The following PDE4D variants were observed in gnomAD, a reference collection of about 807,000 sequenced individuals.
PDE4D encodes the protein phosphodiesterase 4D.
PDE4D carries 24 observed loss-of-function variants against 87.4 expected under a neutral mutation model. The observed-to-expected ratio is 0.27, with a 90% confidence interval of 0.20 to 0.39. The LOEUF (loss-of-function observed/expected upper bound fraction) is 0.39. Among genes scored for constraint, PDE4D ranks in the 10% least tolerant of loss-of-function variants. The probability of loss-of-function intolerance (pLI) is 1.00; values close to 1 mark genes in which losing one functional copy is unlikely to be tolerated. For missense variants in PDE4D, 714 were observed against 1,041.0 expected, an observed-to-expected ratio of 0.69 and a Z score of 4.32; for synonymous variants, 384 against 383.2, an observed-to-expected ratio of 1.00 and a Z score of -0.02.
intron 1 of PDE4D, among the ~76,000 whole-genome samples, chr5:60,303,461 A>G (rs944501152): frequency 4.6e-5 from 7 of 151,870 alleles, no homozygotes; most frequent in African/African-American, 1.7e-4. Flanking sequence ...GGCGCGCGCC[A>G]CCACGCCCAG....
At chr5:59,491,215 A>G (rs981807317) in intron 1 of PDE4D, among the ~76,000 whole-genome samples, 3 of 152,250 alleles carry the variant, frequency 2.0e-5, no homozygotes, top group Admixed American at 6.5e-5. Flanking sequence ...CTTTTTAAAA[A>G]GAATAAAATG....
chr5:59,600,569 C>A (rs562911304), intron 1 of PDE4D, among the ~76,000 whole-genome samples: 1 of 152,244 alleles, frequency 6.6e-6, no homozygotes, highest in South Asian at 2.1e-4. Flanking sequence ...AGACTTGCAA[C>A]CAAAGGCATC....
chr5:60,039,320 T>G (rs1244973722), intron 2 of PDE4D, among the ~76,000 whole-genome samples: 1 of 151,314 alleles, frequency 6.6e-6, no homozygotes, highest in African/African-American at 2.4e-5. Flanking sequence ...TCATTCTCAG[T>G]AAACTATCAC....
In PDE4D at chr5:60,404,065, A is replaced by G. The variant is rs541093561; in HGVS notation, c.-90+83877T>C. ...TTCTCCTCAGAAAGGAAGATCTAGG[A>G]AAAAGGAAGTTCTAGAAAAAAGATC... On this transcript the variant is annotated intron_variant, in intron 1 of 16. Transcript: ENST00000502484. Among the ~76,000 whole-genome samples the G allele has an allele frequency of 2.0e-4, 30 of 152,250 alleles. No individual in the cohort carries two copies. In the East Asian group the frequency reaches 5.2e-3, roughly 26 times the overall value.
chr5:59,101,430 A>C (rs1398217299), intron 5 of PDE4D, among the ~76,000 whole-genome samples: 1 of 152,154 alleles, frequency 6.6e-6, no homozygotes, highest in African/African-American at 2.4e-5. Context: ...TTCTCCAAAG[A>C]AAAAGATGAC....
chr5:60,455,506 T>C (rs1458564852), intron 1 of PDE4D, among the ~76,000 whole-genome samples: 1 of 152,068 alleles, frequency 6.6e-6, no homozygotes, highest in African/African-American at 2.4e-5. Flanking sequence ...CCATGTAAAA[T>C]TGCCTAGACT....
At chr5:60,409,015 G>A (rs1741815017) in intron 1 of PDE4D, among the ~76,000 whole-genome samples, 1 of 152,122 alleles carries the variant, frequency 6.6e-6, no homozygotes, top group Non-Finnish European at 1.5e-5. Context: ...GCCCAGTGGG[G>A]AATAAAGCGG....
At chr5:60,386,574 CCAG>C (rs1762208338) in intron 1 of PDE4D, among the ~76,000 whole-genome samples, 3 of 152,144 alleles carry the variant, frequency 2.0e-5, no homozygotes, top group African/African-American at 7.2e-5. Flanking sequence ...GGGGGTTCTG[CCAG>C]CTCCAGCACT....
At chr5:59,146,388 G>A (rs577099464) in intron 5 of PDE4D, among the ~76,000 whole-genome samples, 13 of 152,196 alleles carry the variant, frequency 8.5e-5, no homozygotes, top group East Asian at 3.9e-4. Context: ...TCTAGGGCAC[G>A]TTTTGAATTT....
At chr5:59,189,253 G>GTTTTTTTTTTTTT (rs5868167) in intron 3 of PDE4D, among the ~76,000 whole-genome samples, 7 of 120,842 alleles carry the variant, frequency 5.8e-5, no homozygotes, top group Admixed American at 9.6e-5. Context: ...TGTTTTTTTT[G>GTTTTTTTTTTTTT]TTTTTTTTTT....
At chr5:60,470,795 T>C (rs1747759538) in intron 1 of PDE4D, among the ~76,000 whole-genome samples, 2 of 152,106 alleles carry the variant, frequency 1.3e-5, no homozygotes, top group Admixed American at 1.3e-4. Flanking sequence ...AAAAAAAAGA[T>C]TCCTTTCAAA....
Position 60,299,187 on chromosome 5 carries a change from G to T in PDE4D, c.-89-113500C>A, listed in dbSNP as rs371617085. The stretch of plus-strand genomic sequence containing the variant: ...CTTCTGGCTAAAATCATGTAATGCT[G>T]CTGTGACCAACTTGTCACTAAAACC... On this transcript the variant is annotated intron_variant, in intron 1 of 16. Transcript: ENST00000502484. Among the ~76,000 whole-genome samples the T allele has an allele frequency of 9.9e-4, 150 of 152,152 alleles. 1 individual carries two copies. The highest frequency in any genetic ancestry group is 3.5e-3 in the African/African-American group (146 of 41,492).
chr5:59,593,319 CAAA>C (rs35227171), intron 1 of PDE4D, among the ~76,000 whole-genome samples: 7 of 112,322 alleles, frequency 6.2e-5, no homozygotes, highest in Admixed American at 1.8e-4. Flanking sequence ...TAATGGCTCT[CAAA>C]AAAAAAAAAA....
intron 1 of PDE4D, chr5:59,586,487 G>C: frequency 7.6e-7 from 1 of 1,317,298 alleles, no homozygotes; most frequent in South Asian, 2.2e-5. Flanking sequence ...GGCAATTATT[G>C]CAACAAGTAT....
At chr5:59,279,072 A>G (rs1315691043) in intron 1 of PDE4D, among the ~76,000 whole-genome samples, 2 of 152,170 alleles carry the variant, frequency 1.3e-5, no homozygotes, top group African/African-American at 4.8e-5. Context: ...TACTCTGCCT[A>G]CTATCAAATC....
At chr5:60,389,945 G>A (rs148756589) in intron 1 of PDE4D, among the ~76,000 whole-genome samples, 128 of 152,296 alleles carry the variant, frequency 8.4e-4, no homozygotes, top group Middle Eastern at 6.8e-3. Flanking sequence ...ATATCCCTCT[G>A]GAGGCATCTT....
intron 1 of PDE4D, among the ~76,000 whole-genome samples, chr5:59,466,420 G>T (rs1393770854): frequency 6.6e-6 from 1 of 152,092 alleles, no homozygotes; most frequent in Non-Finnish European, 1.5e-5. Flanking sequence ...TGTTTTCTGT[G>T]GTATGAGGCT....
intron 6 of PDE4D, among the ~76,000 whole-genome samples, chr5:59,004,522 C>A (rs957304627): frequency 3.3e-5 from 5 of 152,116 alleles, no homozygotes; most frequent in African/African-American, 1.2e-4. Flanking sequence ...TTCCTTTTTC[C>A]TGATATGATG....
intron 1 of PDE4D, among the ~76,000 whole-genome samples, chr5:60,237,564 A>G (rs543177722): frequency 6.6e-6 from 1 of 152,210 alleles, no homozygotes; most frequent in East Asian, 1.9e-4. Flanking sequence ...CAAAAAGACA[A>G]TATTTTATAG....
Sources: gnomAD v4.1 joint callset for allele counts (sites outside exome capture counted in the v4.1 genomes callset) on GRCh38, gnomAD v4.1.1 for gene constraint, MANE v1.5 for transcripts, NCBI Gene and HGNC (gene_info 2026-07-23, HGNC 2026-07-21) for gene names.